The following CUZD1 variants were observed in gnomAD, a reference collection of about 807,000 sequenced individuals.
CUZD1 encodes CUB and zona pellucida like domains 1.
In CUZD1, 42 loss-of-function variants were observed where a neutral mutation model predicts 53.1. The ratio of observed to expected loss-of-function variants is 0.79; its 90% CI spans 0.62 to 1.02. CUZD1 has a LOEUF of 1.02. CUZD1 is among the 50% of genes least tolerant of loss of function. CUZD1 has a pLI of 0.00. For synonymous variants in CUZD1, 238 were observed against 257.2 expected (o/e 0.93, Z 0.71); for missense variants, 670 against 715.7 (o/e 0.94, Z 0.73).
intron 1 of CUZD1, among the ~76,000 whole-genome samples, chr10:122,842,663 A>C (rs939979958): frequency 6.6e-5 from 10 of 152,160 alleles, no homozygotes; most frequent in Non-Finnish European, 1.5e-4. Flanking sequence ...TGGGATTTGT[A>C]TTGGAATTGC....
rs754000450 is a variant in CUZD1 at position 122,834,896 on chromosome 10, C to T, written c.1192G>A (p.Ala398Thr). 12 of 1,613,420 alleles carry T rather than the reference C, an allele frequency of 7.4e-6. No individual in the cohort carries two copies. The highest frequency in any genetic ancestry group is 1.0e-5 in the Non-Finnish European group (12 of 1,179,570). ...NALGKYNTSM[A>T]LFESNSFEKT... ...TCAAATGAATTGGATTCAAAAAGAG[C>T]CATGCTGGTGTTATATTTGCCCAGT... The change falls in exon 7 of 9, where the codon GCT becomes ACT. Residue 398 changes from alanine (A) to threonine (T), a missense_variant. Physicochemically the swap from Ala to Thr is moderately conservative, Grantham distance 58 (BLOSUM62 0). Coordinates refer to ENST00000392790, the MANE Select transcript of CUZD1 (RefSeq NM_022034.6).
intron 8 of CUZD1, 26 bp downstream of exon 8, chr10:122,833,646 G>C: frequency 6.2e-7 from 1 of 1,604,896 alleles, no homozygotes; most frequent in South Asian, 1.1e-5. Flanking sequence ...ATGTGCTTTT[G>C]GATCATGGAA....
Position 122,832,192 on chromosome 10 carries a change from A to T in CUZD1, c.*86T>A. 6.5e-6 allele frequency: 9 copies of T among 1,388,116 alleles called. No homozygotes were observed. The highest frequency in any genetic ancestry group is 8.0e-6 in the Non-Finnish European group (8 of 995,984). The allele number at this position is 1,388,116 out of a possible 1,614,324, so 86.0% of individuals were successfully genotyped here. A position where few individuals can be genotyped will look rare whatever the true frequency, so the allele number is the denominator to read the frequency against. On this transcript the variant is annotated 3_prime_UTR_variant, in exon 9 of 9. Coordinates refer to ENST00000392790, the MANE Select transcript of CUZD1 (RefSeq NM_022034.6). ...GTGTGTCACTTTCAGGCCCTTCCTC[A>T]TTTATTCATAATATGTGTAGCCACG...
chr10:122,845,091 T>G (rs1235457176), intron 1 of CUZD1, among the ~76,000 whole-genome samples: 1 of 150,126 alleles, frequency 6.7e-6, no homozygotes, highest in East Asian at 1.9e-4. Flanking sequence ...TTTTTTTTTT[T>G]TATGAGACGG....
At chr10:122,836,704 T>C (rs1264341985) in intron 5 of CUZD1, 127 bp downstream of exon 5, 4 of 689,034 alleles carry the variant, frequency 5.8e-6, no homozygotes, top group Non-Finnish European at 9.9e-6. Context: ...AGATTATGAA[T>C]ATGTTCCCAA....
At position 122,833,601 on chromosome 10, in the gene CUZD1, A is replaced by G. The variant is rs985415186; in HGVS notation, c.1651+71T>C. 23 of 1,476,924 alleles carry G rather than the reference A, an allele frequency of 1.6e-5. 1 individual carries two copies. In the South Asian group the frequency reaches 2.7e-4, roughly 17 times the overall value. The allele number at this position is 1,476,924 out of a possible 1,614,324, so 91.5% of individuals were successfully genotyped here. ...AATCTCTAAACTGTACATGCTTAAGAGTTACTGGATTTGAGCAGCATTTTA... is the reference window on the plus strand; with the variant it reads ...AATCTCTAAACTGTACATGCTTAAGGGTTACTGGATTTGAGCAGCATTTTA... On this transcript the variant is annotated intron_variant, in intron 8 of 8. Coordinates refer to ENST00000392790, the MANE Select transcript of CUZD1 (RefSeq NM_022034.6).
chr10:122,838,985 T>C (rs1301920058), intron 3 of CUZD1, 32 bp downstream of exon 3: 1 of 1,511,150 alleles, frequency 6.6e-7, no homozygotes, highest in Non-Finnish European at 9.2e-7. Context: ...TTGTAGGAGA[T>C]GTGGGTGAAG....
In CUZD1 at chr10:122,832,361, C is replaced by T. The variant is rs1202737487; in HGVS notation, c.1741G>A (p.Val581Met). 1 of 1,614,012 alleles carries T rather than the reference C, an allele frequency of 6.2e-7. No individual in the cohort carries two copies. The highest frequency in any genetic ancestry group is 1.7e-5 in the Admixed American group (1 of 60,006). Reference sequence around the variant, plus strand: ...ACTGTGATTGTCGCTACAGTCACCACATTCAGAGCTAGAACCATGAAGGAA... The same window carrying T: ...ACTGTGATTGTCGCTACAGTCACCATATTCAGAGCTAGAACCATGAAGGAA... ...LFSFMVLALN[V>M]VTVATITVRH... The change falls in exon 9 of 9, where the codon GTG becomes ATG. Residue 581 changes from valine to methionine, a missense_variant. Physicochemically the swap from Val to Met is conservative, Grantham distance 21 (BLOSUM62 1). Coordinates refer to ENST00000392790, the MANE Select transcript of CUZD1 (RefSeq NM_022034.6).
intron 1 of CUZD1, among the ~76,000 whole-genome samples, chr10:122,842,271 A>G (rs1369055182): frequency 6.6e-6 from 1 of 152,212 alleles, no homozygotes; most frequent in South Asian, 2.1e-4. Flanking sequence ...ATTTAGATCT[A>G]TGATCCATTT....
rs1159884486 is a variant in CUZD1 at position 122,839,194 on chromosome 10, T to TA, written c.270dup (p.Lys91Ter). On this transcript the variant is annotated frameshift_variant, in exon 3 of 9. Transcript: ENST00000392790. LOFTEE classifies it high-confidence loss of function. Reference sequence around the variant, plus strand: ...TTGCTGGAGGTTCCGTCAAAGACTTTAATGTTTTCACTTTCACAGCTTCCA... The same window carrying TA: ...TTGCTGGAGGTTCCGTCAAAGACTTTAAATGTTTTCACTTTCACAGCTTCCA... 1.2e-6 allele frequency: 2 copies of TA among 1,614,102 alleles called. No homozygotes were observed. The highest frequency in any genetic ancestry group is 3.3e-5 in the Admixed American group (2 of 60,024).
chr10:122,833,339 T>C (rs1050096653), intron 8 of CUZD1, among the ~76,000 whole-genome samples: 5 of 152,174 alleles, frequency 3.3e-5, no homozygotes, highest in Non-Finnish European at 7.4e-5. Flanking sequence ...TTAAAACACA[T>C]TGCTTTTGAT....
chr10:122,833,929 T>A lies in CUZD1; in HGVS notation c.1394A>T (p.Asp465Val). ...YDLIKSGCSR[D>V]ETCKVYPLFG... The stretch of plus-strand genomic sequence containing the variant: ...TAAGGGATACACCTTACAAGTTTCA[T>A]CTCGACTACATCTGGAACAGAATTT... The change falls in exon 8 of 9, where the codon GAT becomes GTT. Residue 465 changes from aspartate (D) to valine (V), a missense_variant. Coordinates refer to ENST00000392790, the MANE Select transcript of CUZD1 (RefSeq NM_022034.6). 1.2e-6 allele frequency: 2 copies of A among 1,612,464 alleles called. No individual in the cohort carries two copies. Among genetic ancestry groups the A allele is most frequent in the Non-Finnish European group, 1.7e-6 (2 of 1,179,138 alleles).
At chr10:122,836,493 C>A in intron 5 of CUZD1, 143 bp from the exon 6 acceptor site, 1 of 707,412 alleles carries the variant, frequency 1.4e-6, no homozygotes, top group Non-Finnish European at 2.2e-6. Context: ...TTGAGATAGC[C>A]AAGCAATTGA....
chr10:122,842,251 T>C (rs954954004), intron 1 of CUZD1, among the ~76,000 whole-genome samples: 3 of 152,254 alleles, frequency 2.0e-5, no homozygotes, highest in Non-Finnish European at 2.9e-5. Context: ...ACTATAGTTT[T>C]ACATTTTACA....
At position 122,834,916 on chromosome 10, in the gene CUZD1, C is replaced by A. The variant is rs755077881; in HGVS notation, c.1172G>T (p.Gly391Val). Reference sequence around the variant, plus strand: ...AAGAGCCATGCTGGTGTTATATTTGCCCAGTGCATTTTGACTTTGTATTAC... The same window carrying A: ...AAGAGCCATGCTGGTGTTATATTTGACCAGTGCATTTTGACTTTGTATTAC... ...DDVIQSQNAL[G>V]KYNTSMALFE... The change falls in exon 7 of 9, where the codon GGC becomes GTC. Residue 391 changes from glycine (G) to valine (V), a missense_variant. Transcript: ENST00000392790. 6.2e-7 allele frequency: 1 copy of A among 1,613,326 alleles called. No individual in the cohort carries two copies. The highest frequency in any genetic ancestry group is 8.5e-7 in the Non-Finnish European group (1 of 1,179,440).
chr10:122,839,382 C>T (rs1847301415), intron 2 of CUZD1, 151 bp from the exon 3 acceptor site: 1 of 643,930 alleles, frequency 1.6e-6, no homozygotes, highest in Non-Finnish European at 2.7e-6. Flanking sequence ...CCAACCCCAC[C>T]ATCCTCAACA....
intron 4 of CUZD1, among the ~76,000 whole-genome samples, 174 bp from the exon 5 acceptor site, chr10:122,837,222 A>C (rs112563666): frequency 7.6e-4 from 116 of 152,296 alleles, no homozygotes; most frequent in African/African-American, 2.5e-3. Flanking sequence ...GGACCTCAGA[A>C]TCTTCAGAAA....
rs1404691798 is a variant in CUZD1, at chr10:122,832,241, T to C, written c.*37A>G. ...CGAGGTAGCATTTCCTTTGGCATCCTGGAGAAACATGTCTCACTTAGGGTT... is the reference window on the plus strand; with the variant it reads ...CGAGGTAGCATTTCCTTTGGCATCCCGGAGAAACATGTCTCACTTAGGGTT... On this transcript the variant is annotated 3_prime_UTR_variant, in exon 9 of 9. Coordinates refer to ENST00000392790, the MANE Select transcript of CUZD1 (RefSeq NM_022034.6). 1 of 1,603,694 alleles carries C rather than the reference T, an allele frequency of 6.2e-7. No individual in the cohort carries two copies. The highest frequency in any genetic ancestry group is 8.5e-7 in the Non-Finnish European group (1 of 1,172,394).
rs1294490245 is a variant in CUZD1 at position 122,845,855 on chromosome 10, G to A, written c.-12C>T. ...CTTACAAGCTCCATTTTGGCAAGGC[G>A]CTGGGCAGCCTTAAGGACCGACAGC... is the stretch of plus-strand genomic sequence containing the variant. On this transcript the variant is annotated 5_prime_UTR_variant, in exon 1 of 9. Transcript: ENST00000392790. The A allele has an allele frequency of 8.7e-6, 14 of 1,611,338 alleles. No homozygotes were observed. The highest frequency in any genetic ancestry group is 3.3e-5 in the Admixed American group (2 of 59,918).
Sources: gnomAD v4.1 joint callset for allele counts (sites outside exome capture counted in the v4.1 genomes callset) on GRCh38, gnomAD v4.1.1 for gene constraint, MANE v1.5 for transcripts, NCBI Gene and HGNC (gene_info 2026-07-23, HGNC 2026-07-21) for gene names.